Variants in SHANK2 observed in about 807,000 individuals in gnomAD.
The protein encoded by SHANK2 is SH3 and multiple ankyrin repeat domains 2.
Under a neutral mutation model 133.7 loss-of-function variants are expected in SHANK2, and 43 were observed. The ratio of observed to expected loss-of-function variants is 0.32; its 90% CI spans 0.25 to 0.41. The LOEUF is 0.41. Among genes scored for constraint, SHANK2 ranks in the 10% least tolerant of loss-of-function variants. The probability of loss-of-function intolerance (pLI) is 1.00; values close to 1 mark genes in which losing one functional copy is unlikely to be tolerated. For synonymous variants in SHANK2, 1,017 were observed against 952.8 expected (o/e 1.07, Z -1.24); for missense variants, 1,994 against 2,235.8 (o/e 0.89, Z 2.18).
intron 11 of SHANK2, chr11:70,862,831 G>T: frequency 3.6e-6 from 1 of 275,278 alleles, no homozygotes; most frequent in South Asian, 3.3e-5. Context: ...TAGTCAACTG[G>T]GCAGCAGGAC....
chr11:70,671,181 A>T (rs1334945928), intron 15 of SHANK2, among the ~76,000 whole-genome samples: 1 of 152,188 alleles, frequency 6.6e-6, no homozygotes, highest in Non-Finnish European at 1.5e-5. Flanking sequence ...CCTGCCAGGA[A>T]CGGCTGGCGG....
At chr11:71,122,811 T>C (rs1555101773) in intron 3 of SHANK2, among the ~76,000 whole-genome samples, 1 of 151,992 alleles carries the variant, frequency 6.6e-6, no homozygotes, top group Non-Finnish European at 1.5e-5. Context: ...CTGGGACAGA[T>C]TCCCCCTCAA....
chr11:71,087,690 G>A (rs1447037047), intron 8 of SHANK2, among the ~76,000 whole-genome samples: 9 of 152,242 alleles, frequency 5.9e-5, no homozygotes, highest in African/African-American at 9.6e-5. Flanking sequence ...GTGCAGTGGC[G>A]CAATATCGGC....
At chr11:71,143,975 TA>T (rs34336930) in intron 3 of SHANK2, among the ~76,000 whole-genome samples, 1 of 149,210 alleles carries the variant, frequency 6.7e-6, no homozygotes, top group African/African-American at 2.5e-5. Flanking sequence ...GAACTCTTGC[TA>T]AAAAAAACCC....
chr11:70,645,786 C>G (rs900154495), intron 17 of SHANK2, among the ~76,000 whole-genome samples: 1 of 151,690 alleles, frequency 6.6e-6, no homozygotes, highest in Non-Finnish European at 1.5e-5. Context: ...AGTCCAGCAT[C>G]GGGGTGGCCA....
chr11:70,896,314 C>A, intron 11 of SHANK2, 187 bp downstream of exon 11: 2 of 555,756 alleles, frequency 3.6e-6, no homozygotes, highest in East Asian at 5.7e-5. Flanking sequence ...CTTCCTTAGC[C>A]CCATCCCCAC....
At chr11:71,129,478 A>G (rs1360836601) in intron 3 of SHANK2, among the ~76,000 whole-genome samples, 1 of 152,160 alleles carries the variant, frequency 6.6e-6, no homozygotes, top group East Asian at 1.9e-4. Context: ...CTCTACGAAA[A>G]ATGAAAATTT....
chr11:71,111,271 A>T (rs1951888041), intron 5 of SHANK2, among the ~76,000 whole-genome samples: 1 of 152,178 alleles, frequency 6.6e-6, no homozygotes, highest in South Asian at 2.1e-4. Flanking sequence ...CTCCATCCCC[A>T]GGGAGTGAGG....
At chr11:70,854,212 AAAT>A (rs1457670106) in intron 11 of SHANK2, among the ~76,000 whole-genome samples, 4 of 152,228 alleles carry the variant, frequency 2.6e-5, no homozygotes, top group Non-Finnish European at 5.9e-5. Flanking sequence ...AGAGGCAAAT[AAAT>A]AATAGTATAT....
chr11:70,921,375 G>T (rs1950349153), intron 10 of SHANK2, among the ~76,000 whole-genome samples: 1 of 152,210 alleles, frequency 6.6e-6, no homozygotes, highest in Non-Finnish European at 1.5e-5. Flanking sequence ...ACTGAGAATT[G>T]GTCCTTGGGC....
At chr11:71,076,200 T>C (rs1278917057) in intron 8 of SHANK2, among the ~76,000 whole-genome samples, 1 of 152,104 alleles carries the variant, frequency 6.6e-6, no homozygotes, top group Non-Finnish European at 1.5e-5. Context: ...GGCCACAACC[T>C]TGGACCTGGA....
intron 10 of SHANK2, among the ~76,000 whole-genome samples, chr11:70,931,917 G>A (rs1236580734): frequency 1.3e-5 from 2 of 152,200 alleles, no homozygotes; most frequent in African/African-American, 2.4e-5. Context: ...CTTCAAGCCT[G>A]TAGAAATCCT....
intron 10 of SHANK2, among the ~76,000 whole-genome samples, chr11:70,902,616 C>T (rs782545391): frequency 3.3e-5 from 5 of 152,300 alleles, no homozygotes; most frequent in South Asian, 2.1e-4. Context: ...CAGTTCCAGG[C>T]GGCATCGATG....
At chr11:71,120,507 A>C (rs755694331) in intron 3 of SHANK2, among the ~76,000 whole-genome samples, 3 of 151,138 alleles carry the variant, frequency 2.0e-5, no homozygotes, top group African/African-American at 7.4e-5. Flanking sequence ...GGGACGGCCA[A>C]CAGGAGGTCG....
At chr11:71,131,438 G>A (rs552704932) in intron 3 of SHANK2, among the ~76,000 whole-genome samples, 1 of 152,310 alleles carries the variant, frequency 6.6e-6, no homozygotes, top group African/African-American at 2.4e-5. Flanking sequence ...CTGTGGATTC[G>A]TTTTTCCAAT....
rs1554977304 is a variant in SHANK2, at chr11:70,549,571, G to T, written c.2062-46640C>A. On this transcript the variant is annotated intron_variant, in intron 17 of 25. Transcript: ENST00000601538. ...GAGGCAGTGTGGCCAGGGGCAGGCG[G>T]GGGCCGTGGCTCCCCTCTCAGAAGC... Among the ~76,000 whole-genome samples, 3 of 152,202 alleles carry T rather than the reference G, an allele frequency of 2.0e-5. No homozygotes were observed. In the South Asian group the frequency reaches 6.2e-4, roughly 31 times the overall value.
At chr11:70,584,181 C>T (rs2060219170) in intron 17 of SHANK2, among the ~76,000 whole-genome samples, 1 of 152,166 alleles carries the variant, frequency 6.6e-6, no homozygotes, top group Admixed American at 6.5e-5. Flanking sequence ...AGAGTGGGGC[C>T]TGGATCAAGG....
intron 10 of SHANK2, among the ~76,000 whole-genome samples, chr11:70,919,608 C>G (rs1455147258): frequency 1.3e-5 from 2 of 152,124 alleles, no homozygotes; most frequent in African/African-American, 4.8e-5. Flanking sequence ...TCTCGAACTC[C>G]TGACCTCAGG....
At chr11:71,231,426 G>C (rs1954739151) in intron 1 of SHANK2, among the ~76,000 whole-genome samples, 1 of 152,178 alleles carries the variant, frequency 6.6e-6, no homozygotes, top group Admixed American at 6.5e-5. Flanking sequence ...AGAAAATAAA[G>C]AATCACATTG....
Sources: gnomAD v4.1 joint callset for allele counts (sites outside exome capture counted in the v4.1 genomes callset) on GRCh38, gnomAD v4.1.1 for gene constraint, MANE v1.5 for transcripts, NCBI Gene and HGNC (gene_info 2026-07-23, HGNC 2026-07-21) for gene names.